COX20: variants seen among roughly 807,000 people sequenced by gnomAD.
The protein encoded by COX20 is cytochrome c oxidase assembly factor COX20.
Under a neutral mutation model 14.3 loss-of-function variants are expected in COX20, and 14 were observed. The ratio of observed to expected loss-of-function variants is 0.98; its 90% CI spans 0.65 to 1.53. The LOEUF (loss-of-function observed/expected upper bound fraction) is 1.53. COX20 is among the 40% of genes most tolerant of loss of function. The pLI is 0.00. For synonymous variants in COX20, 56 were observed against 51.7 expected (o/e 1.08, Z -0.36); for missense variants, 149 against 142.1 (o/e 1.05, Z -0.25).
chr1:244,837,554 TGG>T (rs1189236192), intron 1 of COX20, among the ~76,000 whole-genome samples: 14 of 152,242 alleles, frequency 9.2e-5, no homozygotes, highest in Non-Finnish European at 5.9e-5. Flanking sequence ...ATGTGAAATT[TGG>T]TACATACAGG....
In COX20 at chr1:244,844,862, GAT is replaced by G. The variant is rs1167310741; in HGVS notation, c.*1689_*1690del. On this transcript the variant is annotated 3_prime_UTR_variant, in exon 4 of 4. Transcript: ENST00000411948. ...GTTGATGATCACTAATCAATAATCTGATATTTAACAAAATATGGACAGGCCAC... is the reference window on the plus strand; with the variant it reads ...GTTGATGATCACTAATCAATAATCTGATTTAACAAAATATGGACAGGCCAC... The G allele has an allele frequency of 6.6e-6, 1 of 151,958 alleles. No individual in the cohort carries two copies. The highest frequency in any genetic ancestry group is 1.5e-5 in the Non-Finnish European group (1 of 68,018). 9.4% of individuals were successfully genotyped at this position (151,958 alleles called of 1,614,324 possible).
intron 3 of COX20, chr1:244,842,502 C>T: frequency 2.0e-6 from 1 of 491,534 alleles, no homozygotes; most frequent in Non-Finnish European, 3.6e-6. Context: ...AACCATTTCC[C>T]TTACCCTAAT....
Position 244,835,676 on chromosome 1 carries a change from C to T in COX20, c.-39C>T. 8.1e-7 allele frequency: 1 copy of T among 1,237,452 alleles called. No individual in the cohort carries two copies. The highest frequency in any genetic ancestry group is 1.0e-6 in the Non-Finnish European group (1 of 989,832). 76.7% of individuals were successfully genotyped at this position (1,237,452 alleles called of 1,614,324 possible). A position where few individuals can be genotyped will look rare whatever the true frequency, so the allele number is the denominator to read the frequency against. On this transcript the variant is annotated 5_prime_UTR_variant, in exon 1 of 4. Transcript: ENST00000411948. ...CAGCCGGGCTTCTGCTTCCGCGACC[C>T]CGGCGGTGCAGGGCGGGTGGAGTCG...
At chr1:244,840,838 A>G (rs1484113743) in intron 1 of COX20, 2 of 152,148 alleles carry the variant, frequency 1.3e-5, no homozygotes, top group Non-Finnish European at 2.9e-5. Flanking sequence ...ATTACCTTCT[A>G]GGTATCACCT....
intron 1 of COX20, chr1:244,841,221 T>C (rs553189165): frequency 2.4e-4 from 36 of 152,282 alleles, no homozygotes; most frequent in African/African-American, 6.5e-4. Context: ...ATTGAGACCA[T>C]AGAAATAAAA....
At chr1:244,835,399 A>C (rs966375461), upstream of COX20, 2 of 302,312 alleles carry the variant, frequency 6.6e-6, no homozygotes, top group Non-Finnish European at 1.2e-5. Flanking sequence ...TGGCTCGGTT[A>C]CGCCCCCACC....
intron 1 of COX20, among the ~76,000 whole-genome samples, chr1:244,836,017 A>G (rs1031660911): frequency 6.6e-6 from 1 of 152,200 alleles, no homozygotes; most frequent in African/African-American, 2.4e-5. Context: ...ATAAGCTAAC[A>G]ATACTGAATC....
At chr1:244,836,857 ATTG>A (rs1431625875) in intron 1 of COX20, among the ~76,000 whole-genome samples, 1 of 152,094 alleles carries the variant, frequency 6.6e-6, no homozygotes, top group Non-Finnish European at 1.5e-5. Flanking sequence ...TATTGTATAA[ATTG>A]TTTTCATACT....
At chr1:244,841,097 C>T (rs1174482859) in intron 1 of COX20, 1 of 152,112 alleles carries the variant, frequency 6.6e-6, no homozygotes, top group Non-Finnish European at 1.5e-5. Flanking sequence ...TGACAGACAT[C>T]CCAGTTAAAC....
intron 1 of COX20, among the ~76,000 whole-genome samples, chr1:244,839,462 C>T (rs185749601): frequency 2.6e-5 from 4 of 151,384 alleles, no homozygotes; most frequent in East Asian, 2.2e-4. Context: ...TAAGGGTTCC[C>T]GTTTGTTAGT....
intron 1 of COX20, among the ~76,000 whole-genome samples, chr1:244,837,883 A>G (rs750186345): frequency 8.5e-5 from 13 of 152,202 alleles, no homozygotes; most frequent in Non-Finnish European, 1.9e-4. Flanking sequence ...CTTTGGAGCA[A>G]TGGTAAGGAT....
intron 1 of COX20, 133 bp downstream of exon 1, chr1:244,835,889 TC>T: frequency 1.6e-6 from 1 of 640,298 alleles, no homozygotes; most frequent in Non-Finnish European, 2.2e-6. Flanking sequence ...TTTTAACTGT[TC>T]CTAGTCCTTA....
intron 1 of COX20, among the ~76,000 whole-genome samples, chr1:244,837,509 C>T (rs1680030761): frequency 6.6e-6 from 1 of 152,202 alleles, no homozygotes; most frequent in East Asian, 1.9e-4. Flanking sequence ...AAAAACTGTC[C>T]TCTGCCACAT....
chr1:244,842,356 C>A, intron 3 of COX20, 98 bp downstream of exon 3: 2 of 806,208 alleles, frequency 2.5e-6, no homozygotes, highest in Non-Finnish European at 4.3e-6. Context: ...ATTGGGAGAT[C>A]CTCACCCTCA....
At chr1:244,842,563 T>C in intron 3 of COX20, 1 of 343,322 alleles carries the variant, frequency 2.9e-6, no homozygotes. Flanking sequence ...TTTAAGAATG[T>C]GTTTACAACT....
rs1679955739 is a variant in COX20, at chr1:244,835,771, G to GGCGGGGC, written c.42+19_42+25dup. On this transcript the variant is annotated intron_variant, in intron 1 of 3. Transcript: ENST00000411948. ...AGGAGAGGAAGGTAACCTGGGGGTC[G>GGCGGGGC]GCGGGGCGCGCGCCGCGGGTGGGCG... The GGCGGGGC allele has an allele frequency of 8.0e-7, 1 of 1,252,414 alleles. No homozygotes were observed. Among genetic ancestry groups the GGCGGGGC allele is most frequent in the South Asian group, 3.3e-5 (1 of 30,454 alleles). 77.6% of individuals were successfully genotyped at this position (1,252,414 alleles called of 1,614,324 possible).
chr1:244,840,760 A>G (rs984774951), intron 1 of COX20: 2 of 152,238 alleles, frequency 1.3e-5, no homozygotes, highest in African/African-American at 4.8e-5. Context: ...TCATGTTTCA[A>G]CCTTTAATCT....
intron 1 of COX20, chr1:244,836,647 A>C: frequency 1.3e-6 from 1 of 760,562 alleles, no homozygotes; most frequent in East Asian, 2.7e-5. Context: ...GTTTAATATA[A>C]ACTAGGGAGA....
intron 1 of COX20, chr1:244,839,621 C>T (rs753925821): frequency 1.3e-5 from 2 of 152,194 alleles, no homozygotes; most frequent in Non-Finnish European, 1.5e-5. Flanking sequence ...ATCTCCACTT[C>T]TGAGCATTTT....
Sources: gnomAD v4.1 joint callset for allele counts (sites outside exome capture counted in the v4.1 genomes callset) on GRCh38, gnomAD v4.1.1 for gene constraint, MANE v1.5 for transcripts, NCBI Gene and HGNC (gene_info 2026-07-23, HGNC 2026-07-21) for gene names.